NRTN: variants seen among roughly 807,000 people sequenced by gnomAD.
NRTN encodes prepro-neurturin.
Under a neutral mutation model 7.5 loss-of-function variants are expected in NRTN, and 3 were observed. The observed-to-expected ratio is 0.40, with a 90% CI of 0.18 to 1.03. The LOEUF (loss-of-function observed/expected upper bound fraction) is 1.03. Ranked by LOEUF, NRTN falls within the 50% of genes least tolerant of loss-of-function variation. The pLI is 0.34. For synonymous variants in NRTN, 157 were observed against 146.6 expected, an observed-to-expected ratio of 1.07 and a Z score of -0.51; for missense variants, 310 against 307.0, an observed-to-expected ratio of 1.01 and a Z score of -0.07.
chr19:5,823,293 T>C (rs184441614), intron 1 of NRTN, among the ~76,000 whole-genome samples: 23 of 151,602 alleles, frequency 1.5e-4, no homozygotes, highest in Admixed American at 1.4e-3. Flanking sequence ...GGCAGGTGCC[T>C]GTAATCCCAG....
chr19:5,812,732 C>T (rs1300818656), intron 1 of NRTN, among the ~76,000 whole-genome samples: 1 of 152,134 alleles, frequency 6.6e-6, no homozygotes, highest in East Asian at 1.9e-4. Flanking sequence ...AGGCCCAGAC[C>T]CCTGGCCAAG....
At chr19:5,825,421 C>T (rs28416984) in intron 2 of NRTN, among the ~76,000 whole-genome samples, 8,556 of 152,232 alleles carry the variant, frequency 0.056, 811 homozygotes, top group African/African-American at 0.2. Context: ...CGCCCATGTG[C>T]GCGTCTGCGC....
At chr19:5,820,064 A>C (rs958113108) in intron 1 of NRTN, among the ~76,000 whole-genome samples, 1 of 150,956 alleles carries the variant, frequency 6.6e-6, no homozygotes, top group Non-Finnish European at 1.5e-5. Context: ...CAGGAGATCG[A>C]GACCATCCTG....
chr19:5,807,385 C>T (rs1341685201), intron 1 of NRTN, among the ~76,000 whole-genome samples: 1 of 152,158 alleles, frequency 6.6e-6, no homozygotes, highest in Non-Finnish European at 1.5e-5. Flanking sequence ...TGATGCATCT[C>T]CCTGGTCCTC....
At chr19:5,807,342 T>C (rs1181901194) in intron 1 of NRTN, among the ~76,000 whole-genome samples, 5 of 151,398 alleles carry the variant, frequency 3.3e-5, no homozygotes, top group African/African-American at 9.8e-5. Flanking sequence ...TGGGCTGGAC[T>C]ATCTTTGCTG....
At chr19:5,819,917 A>T (rs1358975986) in intron 1 of NRTN, among the ~76,000 whole-genome samples, 1 of 151,990 alleles carries the variant, frequency 6.6e-6, no homozygotes, top group Non-Finnish European at 1.5e-5. Context: ...GAATGACTAT[A>T]TCTGTGTTAA....
At chr19:5,814,847 C>G (rs766695977) in intron 1 of NRTN, among the ~76,000 whole-genome samples, 9 of 152,208 alleles carry the variant, frequency 5.9e-5, no homozygotes, top group Non-Finnish European at 1.0e-4. Context: ...CCTCACACTG[C>G]TACGCTCCCA....
chr19:5,814,461 A>G (rs2056999195), intron 1 of NRTN, among the ~76,000 whole-genome samples: 1 of 152,330 alleles, frequency 6.6e-6, no homozygotes, highest in South Asian at 2.1e-4. Flanking sequence ...CCCTTTCTTC[A>G]TCTCTCAGGT....
chr19:5,809,647 C>T (rs552938983), intron 1 of NRTN, among the ~76,000 whole-genome samples: 2 of 152,278 alleles, frequency 1.3e-5, no homozygotes, highest in African/African-American at 2.4e-5. Context: ...ACACAGTAGG[C>T]GCTCAATAAG....
rs569954608 is a variant in NRTN, at chr19:5,806,502, G to T, written c.-399+1051G>T. On this transcript the variant is annotated intron_variant, in intron 1 of 2. Transcript: ENST00000303212. The surrounding 1 kb of genome is among the most constrained non-coding windows in gnomAD (Gnocchi z 5.4). ...CTCTTTGTCTGTCTCTGAGTGCCCC[G>T]GGCTGAGGAAGCCTGGGTGGGGTGT... Among the ~76,000 whole-genome samples, 1 of 152,026 alleles carries T rather than the reference G, an allele frequency of 6.6e-6. No individual in the cohort carries two copies. Among genetic ancestry groups the T allele is most frequent in the South Asian group, 2.1e-4 (1 of 4,820 alleles).
Position 5,826,028 on chromosome 19 carries a change from G to T in NRTN, c.169+1694G>T, listed in dbSNP as rs1015075152. 2.0e-5 allele frequency among the ~76,000 whole-genome samples: 3 copies of T among 152,108 alleles called. No individual in the cohort carries two copies. In the South Asian group the frequency reaches 6.2e-4, roughly 32 times the overall value. ...CGGGCGCCTGTAGTCCCAGCTACTCGGGAGGCTGAGGCGGGAGAATGGCGT... is the reference window on the plus strand; with the variant it reads ...CGGGCGCCTGTAGTCCCAGCTACTCTGGAGGCTGAGGCGGGAGAATGGCGT... On this transcript the variant is annotated intron_variant, in intron 2 of 2. Coordinates refer to ENST00000303212, the MANE Select transcript of NRTN (RefSeq NM_004558.5).
intron 1 of NRTN, among the ~76,000 whole-genome samples, chr19:5,807,054 G>C (rs986359576): frequency 2.0e-5 from 3 of 152,326 alleles, no homozygotes; most frequent in African/African-American, 7.2e-5. Context: ...GGGTAGGAAT[G>C]TCAGAGAAGA....
rs1286325937 is a variant in NRTN, at chr19:5,823,870, C to T, written c.-296C>T. On this transcript the variant is annotated 5_prime_UTR_variant, in exon 2 of 3. Transcript: ENST00000303212. ...TGTCCCCTGCCTGTGATGCCATTCT[C>T]CTCTGCCTGGCCAACTCCTACGTTT... The T allele has an allele frequency of 1.3e-5, 7 of 536,258 alleles. No homozygotes were observed. The highest frequency in any genetic ancestry group is 9.5e-5 in the African/African-American group (5 of 52,484). 33.2% of individuals were successfully genotyped at this position (536,258 alleles called of 1,614,324 possible).
rs925220234 is a variant in NRTN, at chr19:5,810,672, G to A, written c.-399+5221G>A. 1.6e-4 allele frequency among the ~76,000 whole-genome samples: 24 copies of A among 151,996 alleles called. 1 individual carries two copies. The highest frequency in any genetic ancestry group is 7.2e-4 in the Admixed American group (11 of 15,258). On this transcript the variant is annotated intron_variant, in intron 1 of 2. Coordinates refer to ENST00000303212, the MANE Select transcript of NRTN (RefSeq NM_004558.5). ...GTTACAGCCGGGCGCAGTGGCTCGT[G>A]CCTGTAATCCCAGCACTTTGGGAGG...
chr19:5,820,025 G>A (rs1378833847), intron 1 of NRTN, among the ~76,000 whole-genome samples: 1 of 146,546 alleles, frequency 6.8e-6, no homozygotes, highest in East Asian at 2.1e-4. Flanking sequence ...CCAGCACTTT[G>A]GGAGGCTGAG....
rs1335905777 is a variant in NRTN at position 5,810,628 on chromosome 19, C to T, written c.-399+5177C>T. On this transcript the variant is annotated intron_variant, in intron 1 of 2. Coordinates refer to ENST00000303212, the MANE Select transcript of NRTN (RefSeq NM_004558.5). Reference sequence around the variant, plus strand: ...GTTATTGTTGTTAGGCCAGAAAGCACGTGGTTAAGAATATGGAGGTTACAG... The same window carrying T: ...GTTATTGTTGTTAGGCCAGAAAGCATGTGGTTAAGAATATGGAGGTTACAG... Among the ~76,000 whole-genome samples the T allele has an allele frequency of 3.3e-5, 5 of 151,966 alleles. 1 individual carries two copies. The highest frequency in any genetic ancestry group is 4.1e-4 in the South Asian group (2 of 4,826).
Position 5,821,294 on chromosome 19 carries a change from C to CT in NRTN, c.-398-2446dup, listed in dbSNP as rs33932385. On this transcript the variant is annotated intron_variant, in intron 1 of 2. Transcript: ENST00000303212. ...AGGATCTGGGCCACCCAGTGCCTAG[C>CT]TTTTTTTTTTTTTTTTTTTTTTTTT... 5.8e-3 allele frequency among the ~76,000 whole-genome samples: 284 copies of CT among 49,184 alleles called. 54 individuals are homozygous for CT. Among genetic ancestry groups the CT allele is most frequent in the Non-Finnish European group, 7.2e-3 (208 of 28,952 alleles). The allele number at this position is 49,184 out of a possible 152,430, so 32.3% of individuals were successfully genotyped here.
At position 5,806,991 on chromosome 19, in the gene NRTN, C is replaced by G. The variant is rs1181150272; in HGVS notation, c.-399+1540C>G. On this transcript the variant is annotated intron_variant, in intron 1 of 2. Coordinates refer to ENST00000303212, the MANE Select transcript of NRTN (RefSeq NM_004558.5). This position sits in a 1 kb window ranked among gnomAD's most constrained non-coding sequence, Gnocchi z 5.4. The stretch of plus-strand genomic sequence containing the variant: ...TCCTTCAAGGGAGGCAGATTTAGAC[C>G]CAGGGACACAGGGCTGGGGAAGCTC... 6.6e-6 allele frequency among the ~76,000 whole-genome samples: 1 copy of G among 152,142 alleles called. No individual in the cohort carries two copies. The highest frequency in any genetic ancestry group is 2.4e-5 in the African/African-American group (1 of 41,420).
chr19:5,808,170 C>T (rs1460946801), intron 1 of NRTN, among the ~76,000 whole-genome samples: 1 of 152,192 alleles, frequency 6.6e-6, no homozygotes, highest in Non-Finnish European at 1.5e-5. Context: ...TAGGGTTTAA[C>T]CTTCATCTGG....
Sources: allele counts gnomAD v4.1 joint callset (sites outside exome capture counted in the v4.1 genomes callset), GRCh38; gene constraint gnomAD v4.1.1; non-coding constraint Gnocchi (gnomAD v3.1); transcripts MANE v1.5; gene names NCBI Gene and HGNC (gene_info 2026-07-23, HGNC 2026-07-21).